Variants in SMCO4 observed in about 807,000 individuals in gnomAD.
SMCO4 encodes the protein single-pass membrane protein with coiled-coil domains 4.
SMCO4 carries 4 observed loss-of-function variants against 3.6 expected under a neutral mutation model. That is an observed-to-expected ratio of 1.11 (90% CI 0.54 to 2.53). The LOEUF (loss-of-function observed/expected upper bound fraction) is 2.53. SMCO4 is among the 30% of genes most tolerant of loss of function. SMCO4 has a pLI of 0.02. For synonymous variants in SMCO4, 36 were observed against 35.3 expected (o/e 1.02, Z -0.07); for missense variants, 70 against 80.8 (o/e 0.87, Z 0.51).
chr11:93,536,017 C>G (rs2134637930), intron 1 of SMCO4, among the ~76,000 whole-genome samples: 1 of 152,038 alleles, frequency 6.6e-6, no homozygotes, highest in South Asian at 2.1e-4. Flanking sequence ...GCTAATTGGT[C>G]TGTGCTGCAT....
At chr11:93,506,364 GT>G (rs1242823456) in intron 1 of SMCO4, among the ~76,000 whole-genome samples, 1 of 151,964 alleles carries the variant, frequency 6.6e-6, no homozygotes, top group Non-Finnish European at 1.5e-5. Flanking sequence ...AAAACAACTG[GT>G]GGCTTAGCAT....
At chr11:93,535,745 G>A (rs1365604405) in intron 1 of SMCO4, 24 of 1,611,820 alleles carry the variant, frequency 1.5e-5, no homozygotes, top group Non-Finnish European at 1.9e-5. Flanking sequence ...AACATGGATG[G>A]GCTGAAGAAG....
intron 2 of SMCO4, among the ~76,000 whole-genome samples, chr11:93,493,143 C>T (rs1227023939): frequency 2.0e-5 from 3 of 152,172 alleles, no homozygotes; most frequent in African/African-American, 4.8e-5. Context: ...AGAATGGTTT[C>T]GGCAATGGCA....
chr11:93,522,727 C>T (rs1041266435), intron 1 of SMCO4, among the ~76,000 whole-genome samples: 1 of 152,202 alleles, frequency 6.6e-6, no homozygotes, highest in Non-Finnish European at 1.5e-5. Flanking sequence ...GAGAGAGTGT[C>T]TGATGAGAGA....
At chr11:93,479,824 C>T (rs905413509) in intron 2 of SMCO4, among the ~76,000 whole-genome samples, 1 of 152,102 alleles carries the variant, frequency 6.6e-6, no homozygotes, top group African/African-American at 2.4e-5. Context: ...TTCCCAAGCA[C>T]CCACCGTGTG....
chr11:93,547,797 A>T (rs1565394563), upstream of SMCO4, among the ~76,000 whole-genome samples: 1 of 152,208 alleles, frequency 6.6e-6, no homozygotes, highest in African/African-American at 2.4e-5. Context: ...GCTGTGGAAG[A>T]TTCTCTCTGC....
chr11:93,504,241 GAGCAACACCAAAAAATTT>G (rs1426568054), intron 1 of SMCO4, among the ~76,000 whole-genome samples: 1 of 152,184 alleles, frequency 6.6e-6, no homozygotes, highest in Non-Finnish European at 1.5e-5. Flanking sequence ...TTCAATCTCA[GAGCAACACCAAAAAATTT>G]AGCAACCTGG....
intron 1 of SMCO4, among the ~76,000 whole-genome samples, chr11:93,518,719 A>G (rs1225990434): frequency 6.6e-6 from 1 of 152,210 alleles, no homozygotes; most frequent in Non-Finnish European, 1.5e-5. Context: ...AAAGATATGT[A>G]ATTCTACCAA....
At chr11:93,533,670 G>C (rs1949184632) in intron 1 of SMCO4, among the ~76,000 whole-genome samples, 1 of 152,102 alleles carries the variant, frequency 6.6e-6, no homozygotes, top group South Asian at 2.1e-4. Context: ...ACAAAGGAGG[G>C]GATTCTGCAG....
At chr11:93,520,083 C>T (rs961426744) in intron 1 of SMCO4, among the ~76,000 whole-genome samples, 12 of 152,190 alleles carry the variant, frequency 7.9e-5, no homozygotes, top group Non-Finnish European at 4.4e-5. Context: ...CCTTGCAGCC[C>T]GGATGGCATC....
At chr11:93,537,860 T>A (rs1252703920) in intron 1 of SMCO4, 1 of 151,926 alleles carries the variant, frequency 6.6e-6, no homozygotes, top group Non-Finnish European at 1.5e-5. Context: ...AGAGACAGCT[T>A]GTTGCTGGAG....
chr11:93,541,299 C>A (rs1949269185), intron 1 of SMCO4, among the ~76,000 whole-genome samples: 1 of 152,158 alleles, frequency 6.6e-6, no homozygotes, highest in Admixed American at 6.5e-5. Flanking sequence ...TTGCCTGGAG[C>A]AATTTTTAAT....
Position 93,478,741 on chromosome 11 carries a change from ACAC to A in SMCO4, c.*266_*268del. The A allele has an allele frequency of 1.4e-6, 1 of 730,138 alleles. No homozygotes were observed. Among genetic ancestry groups the A allele is most frequent in the Non-Finnish European group, 1.9e-6 (1 of 530,700 alleles). The allele number at this position is 730,138 out of a possible 1,614,324, so 45.2% of individuals were successfully genotyped here. ...CACACACACACACACACACACACAC[ACAC>A]ACACACACATGCGCGCGCGCTTTGA... On this transcript the variant is annotated 3_prime_UTR_variant, in exon 3 of 3. Coordinates refer to ENST00000298966, the MANE Select transcript of SMCO4 (RefSeq NM_020179.3).
intron 2 of SMCO4, among the ~76,000 whole-genome samples, chr11:93,497,803 G>A (rs1025735606): frequency 4.6e-5 from 7 of 152,212 alleles, no homozygotes; most frequent in Non-Finnish European, 7.3e-5. Flanking sequence ...ATCTGCCGAC[G>A]TGTGTCAAAG....
chr11:93,544,444 GT>G (rs1405483719), upstream of SMCO4, among the ~76,000 whole-genome samples: 1 of 152,122 alleles, frequency 6.6e-6, no homozygotes, highest in Non-Finnish European at 1.5e-5. Context: ...AAGTCTTGGG[GT>G]TTTTTTGTTC....
intron 2 of SMCO4, among the ~76,000 whole-genome samples, chr11:93,481,270 G>GT (rs934856620): frequency 6.6e-6 from 1 of 152,252 alleles, no homozygotes; most frequent in Non-Finnish European, 1.5e-5. Flanking sequence ...AAGGATGACT[G>GT]TGAGAATCTG....
At chr11:93,517,050 G>A (rs12573898) in intron 1 of SMCO4, among the ~76,000 whole-genome samples, 31,253 of 151,876 alleles carry the variant, frequency 0.21, 3,497 homozygotes, top group Middle Eastern at 0.29. Context: ...CCTGGGCCCA[G>A]GTGATGATAA....
In SMCO4 at chr11:93,479,072, C is replaced by T. The variant is rs770433714; in HGVS notation, c.118G>A (p.Val40Met). ...ITTVVLPTLA[V>M]VVLLIVVFVY... ...AACACCACGATCAAGAGCACGACCA[C>T]GGCCAGCGTGGGCAGCACCACTGTA... Residue 40 changes from valine (V) to methionine (M), a missense_variant, in exon 3 of 3, where the codon GTG (valine) becomes ATG (methionine). Val to Met is a conservative substitution (Grantham distance 21). Coordinates refer to ENST00000298966, the MANE Select transcript of SMCO4 (RefSeq NM_020179.3). 1.4e-5 allele frequency: 22 copies of T among 1,613,840 alleles called. No individual in the cohort carries two copies. In the Admixed American group the frequency reaches 1.5e-4, roughly 11 times the overall value.
chr11:93,534,130 G>C (rs1003185547), intron 1 of SMCO4, among the ~76,000 whole-genome samples: 1 of 149,626 alleles, frequency 6.7e-6, no homozygotes, highest in Non-Finnish European at 1.5e-5. Context: ...GGCAGAGGTT[G>C]AAATGAGCTA....
Sources: allele counts gnomAD v4.1 joint callset (sites outside exome capture counted in the v4.1 genomes callset), GRCh38; gene constraint gnomAD v4.1.1; transcripts MANE v1.5; gene names NCBI Gene and HGNC (gene_info 2026-07-23, HGNC 2026-07-21).